The following CRYBG1 variants were observed in gnomAD, a reference collection of about 807,000 sequenced individuals.
CRYBG1 encodes crystallin beta-gamma domain containing 1, also known as beta/gamma crystallin domain-containing protein 1.
In CRYBG1, 139 loss-of-function variants were observed where a neutral mutation model predicts 189.2. The ratio of observed to expected loss-of-function variants is 0.73; its 90% CI spans 0.64 to 0.85. CRYBG1 has a LOEUF of 0.85. CRYBG1 is among the 40% of genes least tolerant of loss of function. The probability of loss-of-function intolerance (pLI) is 0.00; values close to 1 mark genes in which losing one functional copy is unlikely to be tolerated. For synonymous variants in CRYBG1, 1,023 were observed against 1,017.1 expected (o/e 1.01, Z -0.11); for missense variants, 2,611 against 2,675.8 (o/e 0.98, Z 0.53).
intron 1 of CRYBG1, among the ~76,000 whole-genome samples, chr6:106,403,972 T>C (rs1770771216): frequency 6.6e-6 from 1 of 152,240 alleles, no homozygotes; most frequent in Non-Finnish European, 1.5e-5. Flanking sequence ...TTAGGCATTC[T>C]AGAATTCAGC....
At chr6:106,403,703 T>C (rs1770766347) in intron 1 of CRYBG1, among the ~76,000 whole-genome samples, 1 of 152,248 alleles carries the variant, frequency 6.6e-6, no homozygotes, top group Admixed American at 6.5e-5. Flanking sequence ...TCTGTCCTAT[T>C]TGATATTTGT....
chr6:106,562,269 T>C (rs1582842901), intron 20 of CRYBG1, among the ~76,000 whole-genome samples: 2 of 152,294 alleles, frequency 1.3e-5, no homozygotes, highest in Non-Finnish European at 2.9e-5. Context: ...TGTTTGGACA[T>C]GCATAGAAGA....
intron 3 of CRYBG1, among the ~76,000 whole-genome samples, chr6:106,517,411 CAT>C (rs1353963635): frequency 6.2e-5 from 8 of 128,406 alleles, no homozygotes; most frequent in Admixed American, 3.2e-4. Flanking sequence ...TACACACACA[CAT>C]ATATACACAT....
intron 2 of CRYBG1, among the ~76,000 whole-genome samples, chr6:106,483,841 T>A (rs755500148): frequency 6.6e-6 from 1 of 152,186 alleles, no homozygotes; most frequent in Non-Finnish European, 1.5e-5. Flanking sequence ...TATTAAGGTC[T>A]TTTGCCCATT....
At chr6:106,367,270 C>CT (rs1772019253) in intron 1 of CRYBG1, among the ~76,000 whole-genome samples, 1 of 152,152 alleles carries the variant, frequency 6.6e-6, no homozygotes, top group South Asian at 2.1e-4. Context: ...GAGTTCACTT[C>CT]TTTTTTCTTC....
intron 16 of CRYBG1, 79 bp downstream of exon 16, chr6:106,553,646 C>A (rs766645539): frequency 3.1e-6 from 3 of 959,392 alleles, no homozygotes; most frequent in African/African-American, 1.6e-5. Flanking sequence ...TATAGTGATG[C>A]CTGTTAGGTG....
intron 1 of CRYBG1, among the ~76,000 whole-genome samples, chr6:106,378,327 C>T (rs1770213082): frequency 6.6e-6 from 1 of 152,198 alleles, no homozygotes; most frequent in South Asian, 2.1e-4. Flanking sequence ...TGTTCTGAAG[C>T]TGGTACGGGG....
At chr6:106,376,999 G>A (rs1770176782) in intron 1 of CRYBG1, among the ~76,000 whole-genome samples, 1 of 152,180 alleles carries the variant, frequency 6.6e-6, no homozygotes, top group Non-Finnish European at 1.5e-5. Context: ...AGAGAAAAAG[G>A]AGCAATCAAT....
At chr6:106,392,952 T>A (rs928087257) in intron 1 of CRYBG1, among the ~76,000 whole-genome samples, 2 of 152,040 alleles carry the variant, frequency 1.3e-5, no homozygotes, top group African/African-American at 4.8e-5. Context: ...TTTTTGTATT[T>A]TATGTAGGGA....
At chr6:106,414,959 A>G (rs1770994570) in intron 1 of CRYBG1, among the ~76,000 whole-genome samples, 2 of 152,226 alleles carry the variant, frequency 1.3e-5, no homozygotes, top group South Asian at 4.1e-4. Context: ...AGAACAAAAG[A>G]AATAATACAA....
intron 1 of CRYBG1, among the ~76,000 whole-genome samples, chr6:106,368,245 C>G (rs537914395): frequency 6.6e-6 from 1 of 151,796 alleles, no homozygotes; most frequent in Non-Finnish European, 1.5e-5. Context: ...TAGCGAGATC[C>G]CATCTCTTAA....
intron 13 of CRYBG1, among the ~76,000 whole-genome samples, chr6:106,545,887 C>T (rs1774257438): frequency 6.6e-6 from 1 of 152,068 alleles, no homozygotes; most frequent in Admixed American, 6.6e-5. Context: ...GCCATGTTGC[C>T]CAGGCTGGTC....
intron 10 of CRYBG1, among the ~76,000 whole-genome samples, chr6:106,542,431 T>C (rs899893879): frequency 2.0e-5 from 3 of 150,968 alleles, no homozygotes; most frequent in Admixed American, 1.3e-4. Flanking sequence ...TATAGGCATG[T>C]ACCACTACAC....
intron 10 of CRYBG1, among the ~76,000 whole-genome samples, chr6:106,542,334 A>T (rs1236965803): frequency 7.2e-6 from 1 of 138,360 alleles, no homozygotes; most frequent in Non-Finnish European, 1.5e-5. Context: ...CCAGGCTGGT[A>T]TACAGTGGCA....
intron 2 of CRYBG1, among the ~76,000 whole-genome samples, chr6:106,478,987 T>C (rs1056492858): frequency 1.3e-5 from 2 of 152,210 alleles, no homozygotes; most frequent in African/African-American, 4.8e-5. Context: ...AATTATACAA[T>C]GTGTAGCTTT....
At chr6:106,435,380 G>T (rs969353236) in intron 1 of CRYBG1, among the ~76,000 whole-genome samples, 4 of 152,054 alleles carry the variant, frequency 2.6e-5, no homozygotes, top group Non-Finnish European at 5.9e-5. Context: ...GCCCAGGTTG[G>T]TCTTGAACTC....
intron 8 of CRYBG1, among the ~76,000 whole-genome samples, chr6:106,530,576 G>T (rs1386821662): frequency 6.6e-6 from 1 of 152,072 alleles, no homozygotes; most frequent in Non-Finnish European, 1.5e-5. Flanking sequence ...CCTTGTCACA[G>T]AGAAATCTGA....
rs756872369 is a variant in CRYBG1 at position 106,512,476 on chromosome 6, G to T, written c.1359G>T (p.Ala453=). ...ACGCGGTGTTCGACGACGAGGTGGC[G>T]CCAAACGCGGCCAGCGATAACGCCT... The part of the protein sequence containing the change: ...RDDAVFDDEV[A]PNAASDNASA... The change falls in exon 3 of 22, where the codon GCG becomes GCT. Residue 453 remains alanine (A), a synonymous_variant. Coordinates refer to ENST00000633556, the MANE Select transcript of CRYBG1 (RefSeq NM_001371242.2). 5 of 1,610,980 alleles carry T rather than the reference G, an allele frequency of 3.1e-6. No homozygotes were observed. Among genetic ancestry groups the T allele is most frequent in the Non-Finnish European group, 4.2e-6 (5 of 1,179,054 alleles).
At chr6:106,536,329 C>T (rs1774003649) in intron 8 of CRYBG1, among the ~76,000 whole-genome samples, 1 of 152,174 alleles carries the variant, frequency 6.6e-6, no homozygotes, top group African/African-American at 2.4e-5. Context: ...TTAGCAATAC[C>T]AAGTTTGATT....
Sources: gnomAD v4.1 joint callset for allele counts (sites outside exome capture counted in the v4.1 genomes callset) on GRCh38, gnomAD v4.1.1 for gene constraint, MANE v1.5 for transcripts, NCBI Gene and HGNC (gene_info 2026-07-23, HGNC 2026-07-21) for gene names.